The following KIAA1210 variants were observed in gnomAD, a reference collection of about 807,000 sequenced individuals.
KIAA1210 encodes acrosomal protein KIAA1210.
Under a neutral mutation model 78.9 loss-of-function variants are expected in KIAA1210, and 48 were observed. That is an observed-to-expected ratio of 0.61 (90% CI 0.48 to 0.77). KIAA1210 has a LOEUF of 0.77. KIAA1210 is among the 30% of genes least tolerant of loss of function. The pLI is 0.00. For missense variants in KIAA1210, 1,108 were observed against 1,100.0 expected, an observed-to-expected ratio of 1.01 and a Z score of -0.10; for synonymous variants, 406 against 404.5, an observed-to-expected ratio of 1.00 and a Z score of -0.04.
intron 1 of KIAA1210, among the ~76,000 whole-genome samples, chrX:119,126,623 G>A (rs746898446): frequency 7.7e-4 from 86 of 111,753 alleles, no homozygotes; most frequent in Non-Finnish European, 1.5e-3. Context: ...TAACCATACC[G>A]CCTTTCTTAT....
chrX:119,078,808 AGT>A lies in KIAA1210; in HGVS notation c.*2519_*2520del, dbSNP rs1316714592. On this transcript the variant is annotated 3_prime_UTR_variant, in exon 12 of 12. Coordinates refer to ENST00000691062, the MANE Select transcript of KIAA1210 (RefSeq NM_001394962.1). ...GAAATTGTTATTGGAGAGTTCTCAG[AGT>A]GAGAATAGCTGAATACAGGTTCACT... 1 of 112,613 alleles carries A rather than the reference AGT, an allele frequency of 8.9e-6. No individual in the cohort carries two copies. The allele number at this position is 112,613 out of a possible 1,213,427, so 9.3% of individuals were successfully genotyped here. A position where few individuals can be genotyped will look rare whatever the true frequency, so the allele number is the denominator to read the frequency against.
In KIAA1210 at chrX:119,089,606, C is replaced by T; in HGVS notation, c.1096G>A (p.Ala366Thr). 1 of 1,211,666 alleles carries T rather than the reference C, an allele frequency of 8.3e-7. No homozygotes were observed. Among genetic ancestry groups the T allele is most frequent in the Middle Eastern group, 2.3e-4 (1 of 4,355 alleles). ...CACCCACTCAATCCTGAAACACTTG[C>T]TCCTTTTCTTCTCCATCTTCTTCCA... ...AYGRRWRRKG[A>T]SVSGLSGCEF... The change falls in exon 9 of 12, where the codon GCA becomes ACA. Residue 366 changes from alanine (A) to threonine (T), a missense_variant. Physicochemically the swap from Ala to Thr is moderately conservative, Grantham distance 58. Coordinates refer to ENST00000691062, the MANE Select transcript of KIAA1210 (RefSeq NM_001394962.1).
chrX:119,129,063 A>G (rs1016668173), upstream of KIAA1210, among the ~76,000 whole-genome samples: 3 of 111,715 alleles, frequency 2.7e-5, no homozygotes, highest in African/African-American at 9.8e-5. Flanking sequence ...TATCTCCTCA[A>G]CTAGAATGTA....
At chrX:119,149,051 G>A (rs1929231198) in intron 1 of KIAA1210, among the ~76,000 whole-genome samples, 1 of 107,356 alleles carries the variant, frequency 9.3e-6, no homozygotes, top group Admixed American at 1.0e-4. Flanking sequence ...GGGGATGGAG[G>A]GTGCGAGAGT....
At chrX:119,125,726 TATATA>T (rs1928612389) in intron 1 of KIAA1210, among the ~76,000 whole-genome samples, 1 of 7,349 alleles carries the variant, frequency 1.4e-4, no homozygotes, top group African/African-American at 1.8e-4. Context: ...TATATATATA[TATATA>T]TATATTTTTT....
chrX:119,137,294 T>C (rs1261268531), intron 2 of KIAA1210, among the ~76,000 whole-genome samples: 1 of 112,118 alleles, frequency 8.9e-6, no homozygotes, highest in Non-Finnish European at 1.9e-5. Flanking sequence ...ATTCTGAAGG[T>C]AGGATTTGAA....
At chrX:119,124,828 G>A (rs898074410) in intron 1 of KIAA1210, among the ~76,000 whole-genome samples, 11 of 109,678 alleles carry the variant, frequency 1.0e-4, no homozygotes, top group South Asian at 4.0e-4. Context: ...GATTGAGGCC[G>A]TAGTCAGCCA....
intron 1 of KIAA1210, among the ~76,000 whole-genome samples, chrX:119,149,727 G>T (rs1374789877): frequency 8.9e-6 from 1 of 111,985 alleles, no homozygotes; most frequent in Non-Finnish European, 1.9e-5. Context: ...AGAATATACT[G>T]CTTGAATATA....
chrX:119,125,766 G>A (rs1271507115), intron 1 of KIAA1210, among the ~76,000 whole-genome samples: 4 of 29,834 alleles, frequency 1.3e-4, no homozygotes, highest in African/African-American at 4.1e-4. Flanking sequence ...GAGAGATGGG[G>A]TCTCACTCTG....
At chrX:119,093,112 T>A (rs1223019185) in intron 8 of KIAA1210, among the ~76,000 whole-genome samples, 4 of 112,321 alleles carry the variant, frequency 3.6e-5, no homozygotes, top group Non-Finnish European at 7.5e-5. Flanking sequence ...TGTTTGGGGA[T>A]TTGATAGGTG....
chrX:119,148,171 C>T (rs1353873349), intron 1 of KIAA1210, among the ~76,000 whole-genome samples: 2 of 111,132 alleles, frequency 1.8e-5, no homozygotes, highest in African/African-American at 6.6e-5. Context: ...GTTGCCTGAG[C>T]TCACCATTTT....
chrX:119,088,653 CT>C lies in KIAA1210; in HGVS notation c.2048del (p.Lys683SerfsTer61). 2.5e-6 allele frequency: 3 copies of C among 1,211,232 alleles called. No individual in the cohort carries two copies. Among genetic ancestry groups the C allele is most frequent in the Non-Finnish European group, 3.4e-6 (3 of 895,192 alleles). ...TGCTGCAATCATCAGAAGTGTTGTA[CT>C]TTTCAACATAACTGCTTGATTCTGT... The part of the protein sequence containing the change: ...VFTESSSYVE[K>X]YNTSDDCSSS... On this transcript the variant is annotated frameshift_variant, in exon 9 of 12. Transcript: ENST00000691062. LOFTEE classifies it high-confidence loss of function.
At chrX:119,108,502 G>T (rs1256125769) in intron 4 of KIAA1210, 31 bp from the exon 5 acceptor site, 1 of 1,189,491 alleles carries the variant, frequency 8.4e-7, no homozygotes, top group Non-Finnish European at 1.1e-6. Flanking sequence ...AAAACTTGAG[G>T]ATTGGTATGC....
intron 1 of KIAA1210, among the ~76,000 whole-genome samples, chrX:119,149,827 C>T (rs190143999): frequency 1.7e-3 from 188 of 110,769 alleles, no homozygotes; most frequent in African/African-American, 5.8e-3. Context: ...TAAGGTGATT[C>T]TTCTCTACTC....
At position 119,125,735 on chromosome X, in the gene KIAA1210, A is replaced by AT. The variant is rs1163974116; in HGVS notation, c.-11+1991dup. ...AATACATATATATATATATATATAT[A>AT]TTTTTTTTTTTTTTTTTTTGGAGAG... is the stretch of plus-strand genomic sequence containing the variant. On this transcript the variant is annotated intron_variant, in intron 1 of 11. Transcript: ENST00000691062. 9.8e-3 allele frequency among the ~76,000 whole-genome samples: 155 copies of AT among 15,774 alleles called. 2 individuals are homozygous for AT. The highest frequency in any genetic ancestry group is 0.013 in the African/African-American group (50 of 3,839). The allele number at this position is 15,774 out of a possible 115,157, so 13.7% of individuals were successfully genotyped here.
chrX:119,094,143 T>C, intron 7 of KIAA1210: 1 of 857,552 alleles, frequency 1.2e-6, no homozygotes. Flanking sequence ...CCCTCGGCCA[T>C]ATTGGGATTC....
At chrX:119,131,830 C>T (rs1053464598), upstream of KIAA1210, among the ~76,000 whole-genome samples, 1 of 112,400 alleles carries the variant, frequency 8.9e-6, no homozygotes, top group Non-Finnish European at 1.9e-5. Context: ...AATCCCAGCA[C>T]TTTGGGAGGC....
upstream of KIAA1210, among the ~76,000 whole-genome samples, chrX:119,127,859 C>T (rs970460769): frequency 8.9e-6 from 1 of 111,912 alleles, no homozygotes; most frequent in Non-Finnish European, 1.9e-5. Flanking sequence ...CAGCATCTGA[C>T]GTGATTGGCC....
intron 1 of KIAA1210, among the ~76,000 whole-genome samples, chrX:119,149,030 G>A (rs1323369749): frequency 9.3e-6 from 1 of 107,067 alleles, no homozygotes; most frequent in African/African-American, 3.4e-5. Context: ...GGGGGGAGGT[G>A]GGGGTGTTAG....
Sources: gnomAD v4.1 joint callset for allele counts (sites outside exome capture counted in the v4.1 genomes callset) on GRCh38, gnomAD v4.1.1 for gene constraint, MANE v1.5 for transcripts, NCBI Gene and HGNC (gene_info 2026-07-23, HGNC 2026-07-21) for gene names.